Variants in ZNF274 observed in about 807,000 individuals in gnomAD.
The protein encoded by ZNF274 is zinc finger protein 274, also known as neurotrophin receptor-interacting factor homolog.
ZNF274 carries 23 observed loss-of-function variants against 42.5 expected under a neutral mutation model. The observed-to-expected ratio is 0.54, with a 90% CI of 0.39 to 0.77. The LOEUF is 0.77. ZNF274 is among the 30% of genes least tolerant of loss of function. The probability of loss-of-function intolerance (pLI) is 0.00; values close to 1 mark genes in which losing one functional copy is unlikely to be tolerated. For missense variants in ZNF274, 679 were observed against 806.5 expected (o/e 0.84, Z 1.91); for synonymous variants, 292 against 305.4 (o/e 0.96, Z 0.46).
chr19:58,196,082 G>A (rs534563064), intron 4 of ZNF274, among the ~76,000 whole-genome samples: 1 of 152,278 alleles, frequency 6.6e-6, no homozygotes, highest in African/African-American at 2.4e-5. Flanking sequence ...GGTGGCACTC[G>A]AATCTTCAGC....
chr19:58,196,671 T>G (rs2075846560), intron 4 of ZNF274, among the ~76,000 whole-genome samples: 1 of 152,230 alleles, frequency 6.6e-6, no homozygotes, highest in African/African-American at 2.4e-5. Context: ...AAATTCTTCT[T>G]GAGATTCCAT....
Position 58,206,883 on chromosome 19 carries a change from A to G in ZNF274, c.420A>G (p.Ala140=), listed in dbSNP as rs1473675330. 1.2e-5 allele frequency: 19 copies of G among 1,613,738 alleles called. No homozygotes were observed. Among genetic ancestry groups the G allele is most frequent in the Non-Finnish European group, 1.4e-5 (16 of 1,179,826 alleles). The part of the protein sequence containing the change: ...ALYAEDGSLS[A]DAPSEQVQQQ... ...ATGCTGAAGATGGAAGCCTGAGTGC[A>G]GATGCCCCCAGTGAGCAGGTCCAAC... The change falls in exon 5 of 8, where the codon GCA becomes GCG. Residue 140 remains alanine (A), a synonymous_variant. Transcript: ENST00000617501.
intron 4 of ZNF274, among the ~76,000 whole-genome samples, chr19:58,191,447 A>C (rs1344167934): frequency 6.6e-6 from 1 of 152,134 alleles, no homozygotes; most frequent in African/African-American, 2.4e-5. Context: ...CAGCCTCCTG[A>C]TCTTCCTTTT....
intron 4 of ZNF274, among the ~76,000 whole-genome samples, chr19:58,201,943 A>G (rs1042418022): frequency 1.3e-5 from 2 of 152,288 alleles, no homozygotes; most frequent in East Asian, 3.9e-4. Flanking sequence ...CAGATCCTCT[A>G]CTTAGGGGTG....
rs554811828 is a variant in ZNF274 at position 58,206,233 on chromosome 19, T to C, written c.257-487T>C. 2.0e-5 allele frequency among the ~76,000 whole-genome samples: 3 copies of C among 152,358 alleles called. 1 individual carries two copies. The South Asian group carries it at 6.2e-4, about 32-fold the overall frequency. On this transcript the variant is annotated intron_variant, in intron 4 of 7. Coordinates refer to ENST00000617501, the MANE Select transcript of ZNF274 (RefSeq NM_133502.3). ...TGATGTTTTCAAGTTTCACCTGTGT[T>C]GTAGCATATATTAGTAGTACTTCAT...
rs1389063240 is a variant in ZNF274 at position 58,183,306 on chromosome 19, A to C, written c.-182A>C. ...GTCCCCGGCTTCGCCTGCCGCCCCT[A>C]ACCGGCCAGTCAAGATGGCCGCCGC... is the stretch of plus-strand genomic sequence containing the variant. On this transcript the variant is annotated 5_prime_UTR_variant, in exon 1 of 8. Transcript: ENST00000617501. 2 of 152,268 alleles carry C rather than the reference A, an allele frequency of 1.3e-5. No homozygotes were observed. Among genetic ancestry groups the C allele is most frequent in the African/African-American group, 2.4e-5 (1 of 41,448 alleles). 9.4% of individuals were successfully genotyped at this position (152,268 alleles called of 1,614,324 possible).
chr19:58,211,802 C>A lies in ZNF274; in HGVS notation c.979+116C>A. On this transcript the variant is annotated intron_variant, in intron 7 of 7. Transcript: ENST00000617501. This position sits in a 1 kb window ranked among gnomAD's most constrained non-coding sequence, Gnocchi z 4.8. ...TGGGCATTCCCTCAAGGGGCCCTTG[C>A]TGCATCCAGGGCCTGTAAGTGGAAC... 1 of 1,404,550 alleles carries A rather than the reference C, an allele frequency of 7.1e-7. No homozygotes were observed. Among genetic ancestry groups the A allele is most frequent in the Non-Finnish European group, 9.5e-7 (1 of 1,052,970 alleles). The allele number at this position is 1,404,550 out of a possible 1,614,324, so 87.0% of individuals were successfully genotyped here. A position where few individuals can be genotyped will look rare whatever the true frequency, so the allele number is the denominator to read the frequency against.
rs1884179580 is a variant in ZNF274, at chr19:58,185,768, G to A, written c.90G>A (p.Leu30=). ...TLGFTPEEWG[L]LDLKQKSLYR... ...GTTTTACCCCGGAAGAGTGGGGACT[G>A]CTGGACCTCAAACAGAAGTCCCTGT... Residue 30 remains leucine (L), a synonymous_variant, in exon 3 of 8, where the codon CTG becomes CTA. Transcript: ENST00000617501. 6.8e-7 allele frequency: 1 copy of A among 1,461,356 alleles called. No homozygotes were observed. Among genetic ancestry groups the A allele is most frequent in the Non-Finnish European group, 9.1e-7 (1 of 1,099,556 alleles). The allele number at this position is 1,461,356 out of a possible 1,614,324, so 90.5% of individuals were successfully genotyped here.
intron 2 of ZNF274, chr19:58,185,505 G>A (rs539843985): frequency 1.2e-4 from 41 of 332,810 alleles, no homozygotes; most frequent in African/African-American, 8.5e-4. Flanking sequence ...CTCATGTGTT[G>A]CTCTCCTTAT....
intron 4 of ZNF274, among the ~76,000 whole-genome samples, chr19:58,193,904 C>A (rs759866180): frequency 6.6e-6 from 1 of 151,642 alleles, no homozygotes; most frequent in Non-Finnish European, 1.5e-5. Flanking sequence ...TCAGCCTGGG[C>A]AACACAGCAA....
At chr19:58,187,064 C>T (rs894217498) in intron 4 of ZNF274, 22 bp downstream of exon 4, 14 of 1,594,878 alleles carry the variant, frequency 8.8e-6, no homozygotes, top group Non-Finnish European at 1.1e-5. Flanking sequence ...ACATGGGAAG[C>T]CCCCACAGGG....
chr19:58,188,682 A>ATG (rs1343372606), intron 4 of ZNF274, among the ~76,000 whole-genome samples: 60 of 75,636 alleles, frequency 7.9e-4, no homozygotes, highest in Middle Eastern at 6.2e-3. Flanking sequence ...GTGTGTATAT[A>ATG]TATATGTATA....
At chr19:58,191,373 G>A (rs1031403652) in intron 4 of ZNF274, among the ~76,000 whole-genome samples, 2 of 152,174 alleles carry the variant, frequency 1.3e-5, no homozygotes, top group African/African-American at 2.4e-5. Flanking sequence ...TTTTGAACTT[G>A]TGATCTGCCC....
chr19:58,204,651 C>T (rs2146236815), intron 4 of ZNF274, among the ~76,000 whole-genome samples: 1 of 152,186 alleles, frequency 6.6e-6, no homozygotes, highest in East Asian at 1.9e-4. Context: ...CGTTTTTCTG[C>T]GCTGTAATAA....
rs771766346 is a variant in ZNF274 at position 58,213,144 on chromosome 19, C to T, written c.*1C>T. ...AAAGAAGAAACAGCCTACCTCATAG[C>T]TCTCAAGCCAGTTGAAGAAACCTTG... On this transcript the variant is annotated 3_prime_UTR_variant, in exon 8 of 8. Transcript: ENST00000617501. 2.5e-6 allele frequency: 4 copies of T among 1,598,102 alleles called. No homozygotes were observed. In the Admixed American group the frequency reaches 5.3e-5, roughly 21 times the overall value.
chr19:58,190,430 T>G (rs2075766507), intron 4 of ZNF274, among the ~76,000 whole-genome samples: 1 of 152,196 alleles, frequency 6.6e-6, no homozygotes, highest in South Asian at 2.1e-4. Flanking sequence ...GTCTCTGACT[T>G]AAATGGAAAA....
intron 4 of ZNF274, among the ~76,000 whole-genome samples, chr19:58,191,125 G>T (rs771540232): frequency 6.6e-6 from 1 of 152,098 alleles, no homozygotes; most frequent in Non-Finnish European, 1.5e-5. Flanking sequence ...CTTTGTATCT[G>T]CCTGCAGTGG....
rs946359735 is a variant in ZNF274, at chr19:58,197,535, G to C, written c.257-9185G>C. Among the ~76,000 whole-genome samples the C allele has an allele frequency of 2.0e-5, 3 of 152,142 alleles. No individual in the cohort carries two copies. The East Asian group carries it at 5.8e-4, about 29-fold the overall frequency. ...ATTTAAAATATGGATGAGAGCAGGT[G>C]TTCTTTTACTTCTGTATGTCCCCAT... On this transcript the variant is annotated intron_variant, in intron 4 of 7. Coordinates refer to ENST00000617501, the MANE Select transcript of ZNF274 (RefSeq NM_133502.3).
chr19:58,187,099 A>G, intron 4 of ZNF274, 57 bp downstream of exon 4: 1 of 1,441,670 alleles, frequency 6.9e-7, no homozygotes, highest in South Asian at 1.2e-5. Flanking sequence ...TGAGTCAGGG[A>G]CCAGTATCTT....
Sources: allele counts gnomAD v4.1 joint callset (sites outside exome capture counted in the v4.1 genomes callset), GRCh38; gene constraint gnomAD v4.1.1; non-coding constraint Gnocchi (gnomAD v3.1); transcripts MANE v1.5; gene names NCBI Gene and HGNC (gene_info 2026-07-23, HGNC 2026-07-21).